Variants in CALN1 observed in about 807,000 individuals in gnomAD.
CALN1 encodes calneuron 1, also known as calcium-binding protein 8.
In CALN1, 17 loss-of-function variants were observed where a neutral mutation model predicts 30.6. The observed-to-expected ratio is 0.56, with a 90% CI of 0.38 to 0.83. CALN1 has a LOEUF of 0.83. Ranked by LOEUF, CALN1 falls within the 40% of genes least tolerant of loss-of-function variation. CALN1 has a pLI of 0.00. For synonymous variants in CALN1, 156 were observed against 131.4 expected, an observed-to-expected ratio of 1.19 and a Z score of -1.28; for missense variants, 291 against 354.9, an observed-to-expected ratio of 0.82 and a Z score of 1.45.
At position 71,960,232 on chromosome 7, in the gene CALN1, C is replaced by T. The variant is rs192055379; in HGVS notation, c.501+63425G>A. On this transcript the variant is annotated intron_variant, in intron 5 of 6. Transcript: ENST00000395275. ...AAAGCATATTTAGAGGATACAAATGCAGGTTTCTTACATGTATATATTGCA... is the reference window on the plus strand; with the variant it reads ...AAAGCATATTTAGAGGATACAAATGTAGGTTTCTTACATGTATATATTGCA... Among the ~76,000 whole-genome samples the T allele has an allele frequency of 4.6e-5, 7 of 151,566 alleles. No homozygotes were observed. In the East Asian group the frequency reaches 1.4e-3, roughly 29 times the overall value.
intron 4 of CALN1, among the ~76,000 whole-genome samples, chr7:72,103,648 A>C (rs1806860889): frequency 6.6e-6 from 1 of 152,144 alleles, no homozygotes; most frequent in Non-Finnish European, 1.5e-5. Context: ...GGATTCTTCA[A>C]TCCAAAAACA....
chr7:71,859,645 A>C (rs546680593), intron 5 of CALN1, among the ~76,000 whole-genome samples: 22 of 152,352 alleles, frequency 1.4e-4, no homozygotes, highest in African/African-American at 4.6e-4. Flanking sequence ...ATAGCAATGA[A>C]GGATATCAAA....
At chr7:71,990,658 G>A (rs1050994972) in intron 5 of CALN1, among the ~76,000 whole-genome samples, 6 of 152,042 alleles carry the variant, frequency 3.9e-5, no homozygotes, top group African/African-American at 1.4e-4. Flanking sequence ...TCACCATGTT[G>A]GCCAGGCTGG....
intron 3 of CALN1, among the ~76,000 whole-genome samples, chr7:72,170,935 T>C (rs1788907580): frequency 6.6e-6 from 1 of 152,088 alleles, no homozygotes; most frequent in Admixed American, 6.5e-5. Flanking sequence ...GGCGGGTGGA[T>C]CACATTGAGT....
At chr7:72,260,812 G>A (rs1796217615) in intron 3 of CALN1, among the ~76,000 whole-genome samples, 1 of 152,108 alleles carries the variant, frequency 6.6e-6, no homozygotes, top group Non-Finnish European at 1.5e-5. Context: ...TGGCAGAGAA[G>A]CAAGCTCTCC....
chr7:72,080,014 G>A (rs111857300), intron 4 of CALN1, among the ~76,000 whole-genome samples: 4 of 151,978 alleles, frequency 2.6e-5, no homozygotes, highest in African/African-American at 7.2e-5. Flanking sequence ...CAGGTGTTCT[G>A]CTCGCCTCGG....
At chr7:71,886,817 G>T (rs1792939114) in intron 5 of CALN1, among the ~76,000 whole-genome samples, 3 of 151,918 alleles carry the variant, frequency 2.0e-5, no homozygotes, top group African/African-American at 7.3e-5. Context: ...TATGTTATGG[G>T]GTAGCATTCT....
At chr7:72,322,355 C>T (rs1251178194) in intron 2 of CALN1, among the ~76,000 whole-genome samples, 1 of 152,160 alleles carries the variant, frequency 6.6e-6, no homozygotes, top group Non-Finnish European at 1.5e-5. Context: ...GCTGTAAATA[C>T]AGAAGCAGCA....
intron 2 of CALN1, among the ~76,000 whole-genome samples, chr7:72,321,725 G>A (rs1225730049): frequency 2.0e-5 from 3 of 152,178 alleles, no homozygotes; most frequent in African/African-American, 7.2e-5. Flanking sequence ...GGAGTCACAG[G>A]TGCCTTTAAC....
At chr7:71,962,292 A>G (rs980921774) in intron 5 of CALN1, among the ~76,000 whole-genome samples, 1 of 152,058 alleles carries the variant, frequency 6.6e-6, no homozygotes, top group African/African-American at 2.4e-5. Context: ...TGTTCCAGCT[A>G]CTTGAGAGGC....
intron 5 of CALN1, among the ~76,000 whole-genome samples, chr7:71,831,434 C>T (rs1024048894): frequency 2.0e-5 from 3 of 152,026 alleles, no homozygotes; most frequent in Admixed American, 6.6e-5. Context: ...AAGCCAAGAT[C>T]GTGCCACTGC....
At chr7:71,830,496 C>T (rs1789207865) in intron 5 of CALN1, among the ~76,000 whole-genome samples, 1 of 151,884 alleles carries the variant, frequency 6.6e-6, no homozygotes. Context: ...TACAGGTGCC[C>T]ACCACCATGC....
At chr7:72,316,256 G>T (rs902275242) in intron 2 of CALN1, among the ~76,000 whole-genome samples, 8 of 151,924 alleles carry the variant, frequency 5.3e-5, no homozygotes, top group Admixed American at 5.2e-4. Flanking sequence ...ACCCATTTGT[G>T]GACTATGATG....
chr7:71,897,998 A>G (rs1584470416), intron 5 of CALN1, among the ~76,000 whole-genome samples: 8 of 83,156 alleles, frequency 9.6e-5, no homozygotes, highest in Admixed American at 2.5e-4. Context: ...AAAAAGAGAG[A>G]GAGAGGGAGG....
intron 3 of CALN1, among the ~76,000 whole-genome samples, chr7:72,186,518 TACAC>T (rs1790200635): frequency 1.3e-5 from 2 of 152,140 alleles, no homozygotes; most frequent in African/African-American, 4.8e-5. Flanking sequence ...CTGAACCCCT[TACAC>T]AAGCAGTGAA....
chr7:71,957,533 G>A (rs1182716922), intron 5 of CALN1, among the ~76,000 whole-genome samples: 1 of 152,148 alleles, frequency 6.6e-6, no homozygotes, highest in Non-Finnish European at 1.5e-5. Flanking sequence ...TCTGTCGCCT[G>A]TACTGATCAC....
intron 6 of CALN1, among the ~76,000 whole-genome samples, chr7:71,799,450 T>TTTAGTTAGTTAG (rs199886231): frequency 1.0e-4 from 7 of 69,032 alleles, no homozygotes; most frequent in African/African-American, 2.5e-4. Context: ...TATTTATTTA[T>TTTAGTTAGTTAG]TTAGTTAGTT....
At chr7:72,104,489 T>A (rs1052347770) in intron 4 of CALN1, among the ~76,000 whole-genome samples, 34 of 152,250 alleles carry the variant, frequency 2.2e-4, no homozygotes, top group Admixed American at 2.6e-4. Flanking sequence ...GCTGCACAGA[T>A]CAACCCATCA....
intron 1 of CALN1, among the ~76,000 whole-genome samples, chr7:72,435,069 T>C (rs911471228): frequency 1.3e-5 from 2 of 152,020 alleles, no homozygotes; most frequent in African/African-American, 2.4e-5. Flanking sequence ...TCTACAAAAA[T>C]GGTTTTTTTA....
Sources: gnomAD v4.1 joint callset for allele counts (sites outside exome capture counted in the v4.1 genomes callset) on GRCh38, gnomAD v4.1.1 for gene constraint, MANE v1.5 for transcripts, NCBI Gene and HGNC (gene_info 2026-07-23, HGNC 2026-07-21) for gene names.